The following DNAJC1 variants were observed in gnomAD, a reference collection of about 807,000 sequenced individuals.
DNAJC1 encodes the protein dnaJ homolog subfamily C member 1.
A neutral mutation model predicts 76.6 loss-of-function variants in DNAJC1; 58 were observed. The observed-to-expected ratio is 0.76, with a 90% CI of 0.61 to 0.94. The LOEUF (loss-of-function observed/expected upper bound fraction) is 0.94. Ranked by LOEUF, DNAJC1 falls within the 40% of genes least tolerant of loss-of-function variation. DNAJC1 has a pLI of 0.00. For synonymous variants in DNAJC1, 258 were observed against 267.9 expected (o/e 0.96, Z 0.36); for missense variants, 689 against 677.3 (o/e 1.02, Z -0.19).
At chr10:21,935,815 A>G (rs1346370736) in intron 1 of DNAJC1, among the ~76,000 whole-genome samples, 1 of 152,098 alleles carries the variant, frequency 6.6e-6, no homozygotes, top group Non-Finnish European at 1.5e-5. Flanking sequence ...GTAGTAAATT[A>G]ACATGAAAAA....
At chr10:21,840,260 G>C (rs1027623396) in intron 8 of DNAJC1, among the ~76,000 whole-genome samples, 4 of 152,176 alleles carry the variant, frequency 2.6e-5, no homozygotes, top group Non-Finnish European at 5.9e-5. Flanking sequence ...AGGGCAATCA[G>C]GCAGGAGAAG....
At chr10:21,941,616 A>C (rs576776504) in intron 1 of DNAJC1, among the ~76,000 whole-genome samples, 2 of 152,302 alleles carry the variant, frequency 1.3e-5, no homozygotes, top group South Asian at 4.1e-4. Context: ...GAATTCATTA[A>C]ACTATTCTCT....
chr10:21,991,572 G>A (rs927899305), intron 1 of DNAJC1, among the ~76,000 whole-genome samples: 5 of 151,948 alleles, frequency 3.3e-5, no homozygotes, highest in South Asian at 4.2e-4. Flanking sequence ...AAAAAAATAC[G>A]AAAACTACAA....
chr10:21,756,669 C>T lies in DNAJC1; in HGVS notation c.*18G>A, dbSNP rs369381918. On this transcript the variant is annotated 3_prime_UTR_variant, in exon 12 of 12. Coordinates refer to ENST00000376980, the MANE Select transcript of DNAJC1 (RefSeq NM_022365.4). Reference sequence around the variant, plus strand: ...ATTCATTTTGGAAAATGAAGGTGAACATCATCTCCCAGAATATTCAGCTTT... The same window carrying T: ...ATTCATTTTGGAAAATGAAGGTGAATATCATCTCCCAGAATATTCAGCTTT... 1.0e-5 allele frequency: 16 copies of T among 1,592,960 alleles called. No individual in the cohort carries two copies. The highest frequency in any genetic ancestry group is 1.3e-5 in the African/African-American group (1 of 74,448).
chr10:21,824,084 G>A (rs1236720331), intron 8 of DNAJC1, among the ~76,000 whole-genome samples: 1 of 152,192 alleles, frequency 6.6e-6, no homozygotes, highest in African/African-American at 2.4e-5. Context: ...ATGACTGGTT[G>A]ATTAGCAGAA....
intron 10 of DNAJC1, among the ~76,000 whole-genome samples, chr10:21,759,869 C>T (rs561740186): frequency 3.6e-4 from 55 of 152,312 alleles, no homozygotes; most frequent in Non-Finnish European, 6.0e-4. Flanking sequence ...AAGCCTTTGT[C>T]CCTTTCTCTA....
chr10:21,822,276 T>C (rs1835172533), intron 8 of DNAJC1, among the ~76,000 whole-genome samples: 1 of 151,696 alleles, frequency 6.6e-6, no homozygotes, highest in Non-Finnish European at 1.5e-5. Context: ...CCATCTCTAC[T>C]AAAAACACAA....
Position 21,929,123 on chromosome 10 carries a change from T to C in DNAJC1, c.241A>G (p.Ile81Val). 6.2e-7 allele frequency: 1 copy of C among 1,611,398 alleles called. No individual in the cohort carries two copies. The highest frequency in any genetic ancestry group is 1.1e-5 in the South Asian group (1 of 90,538). Residue 81 changes from isoleucine to valine, a missense_variant, in exon 2 of 12, where the codon ATC becomes GTC. Ile to Val is a conservative substitution (Grantham distance 29, BLOSUM62 3). Coordinates refer to ENST00000376980, the MANE Select transcript of DNAJC1 (RefSeq NM_022365.4). ...GAAAGCTTACGATATGCTTTTCTGA[T>C]GTCTGCAGATGATGCATCCTGGAGG... ...GVQQDASSAD[I>V]RKAYRKLSLT...
At chr10:21,757,720 C>CTCGG (rs1290922693) in intron 11 of DNAJC1, among the ~76,000 whole-genome samples, 3 of 152,224 alleles carry the variant, frequency 2.0e-5, no homozygotes, top group Non-Finnish European at 2.9e-5. Context: ...GGACAGTGTG[C>CTCGG]TCGGAGCTCT....
At chr10:21,879,127 A>G (rs1158118209) in intron 8 of DNAJC1, among the ~76,000 whole-genome samples, 1 of 152,216 alleles carries the variant, frequency 6.6e-6, no homozygotes, top group Non-Finnish European at 1.5e-5. Flanking sequence ...AGTGGCAGAA[A>G]GCATGGTTTC....
At chr10:21,764,830 G>A (rs1472867419) in intron 10 of DNAJC1, among the ~76,000 whole-genome samples, 1 of 152,192 alleles carries the variant, frequency 6.6e-6, no homozygotes, top group Non-Finnish European at 1.5e-5. Context: ...TTTGGATGTG[G>A]CCAAATATCA....
intron 3 of DNAJC1, among the ~76,000 whole-genome samples, chr10:21,922,671 G>GA (rs1464876092): frequency 6.6e-6 from 1 of 151,862 alleles, no homozygotes; most frequent in African/African-American, 2.4e-5. Flanking sequence ...TTTTAAATGA[G>GA]AAAATGTATA....
chr10:21,956,853 CAA>C (rs1428898172), intron 1 of DNAJC1, among the ~76,000 whole-genome samples: 2 of 136,244 alleles, frequency 1.5e-5, no homozygotes, highest in East Asian at 2.2e-4. Flanking sequence ...CACACACACA[CAA>C]GTAGGTGTAA....
intron 9 of DNAJC1, among the ~76,000 whole-genome samples, chr10:21,773,700 G>A (rs1446130702): frequency 1.3e-5 from 2 of 151,682 alleles, no homozygotes; most frequent in East Asian, 1.9e-4. Flanking sequence ...AATTCTGTCA[G>A]TTTTTGCATT....
chr10:21,759,467 C>T lies in DNAJC1; in HGVS notation c.1299G>A (p.Gln433=). ...GCCGGGCATCAGTGGCCCCGGTCTC[C>T]TGCTCACCGGAGTCTCCCTCCTGCT... ...EEEQEGDSGE[Q]ETGATDARPR... Residue 433 remains glutamine (Q), a synonymous_variant, in exon 11 of 12, where the codon CAG becomes CAA. Transcript: ENST00000376980. 2 of 1,614,206 alleles carry T rather than the reference C, an allele frequency of 1.2e-6. No homozygotes were observed. Among genetic ancestry groups the T allele is most frequent in the Non-Finnish European group, 1.7e-6 (2 of 1,180,042 alleles).
intron 8 of DNAJC1, among the ~76,000 whole-genome samples, chr10:21,809,079 A>G (rs185772473): frequency 1.4e-4 from 21 of 152,316 alleles, no homozygotes; most frequent in African/African-American, 4.8e-4. Flanking sequence ...TTTTTGCCAT[A>G]AAACCCACTA....
intron 7 of DNAJC1, among the ~76,000 whole-genome samples, chr10:21,900,464 A>T (rs1447853371): frequency 6.6e-6 from 1 of 152,148 alleles, no homozygotes; most frequent in African/African-American, 2.4e-5. Context: ...GGAAACTAAG[A>T]CTGCATTATA....
intron 9 of DNAJC1, among the ~76,000 whole-genome samples, chr10:21,771,823 G>A (rs771876477): frequency 1.3e-5 from 2 of 152,144 alleles, no homozygotes; most frequent in South Asian, 4.2e-4. Flanking sequence ...AGATGATCGT[G>A]TGATACTGCT....
chr10:21,920,035 C>G (rs1487125555), intron 4 of DNAJC1, 106 bp from the exon 5 acceptor site: 1 of 667,026 alleles, frequency 1.5e-6, no homozygotes, highest in Admixed American at 2.9e-5. Context: ...AACATTTATG[C>G]AAATGTATGT....
Sources: gnomAD v4.1 joint callset for allele counts (sites outside exome capture counted in the v4.1 genomes callset) on GRCh38, gnomAD v4.1.1 for gene constraint, MANE v1.5 for transcripts, NCBI Gene and HGNC (gene_info 2026-07-23, HGNC 2026-07-21) for gene names.